Variants in SYTL5 observed in about 807,000 individuals in gnomAD.
The protein encoded by SYTL5 is synaptotagmin-like protein 5.
A neutral mutation model predicts 55.9 loss-of-function variants in SYTL5; 34 were observed. That is an observed-to-expected ratio of 0.61 (90% CI 0.46 to 0.81). The LOEUF is 0.81. SYTL5 is among the 30% of genes least tolerant of loss of function. The pLI is 0.00. For missense variants in SYTL5, 637 were observed against 546.7 expected (o/e 1.17, Z -1.65); for synonymous variants, 221 against 188.7 (o/e 1.17, Z -1.40).
Position 38,096,136 on chromosome X carries a change from CAG to C in SYTL5, c.967_968del (p.Arg324IlefsTer2). ...TCTTTTTCCTTTCCACCTTCCAGAT[CAG>C]AGTCGATCTGAGTTAGATTTGAGTG... ...AVSGTSLSSD[Q>X]SRSELDLSES... On this transcript the variant is annotated frameshift_variant, in exon 9 of 17. Coordinates refer to ENST00000297875, the MANE Select transcript of SYTL5 (RefSeq NM_138780.3). LOFTEE classifies it high-confidence loss of function. 8.7e-7 allele frequency: 1 copy of C among 1,145,967 alleles called. No homozygotes were observed. Among genetic ancestry groups the C allele is most frequent in the Non-Finnish European group, 1.2e-6 (1 of 847,031 alleles). The allele number at this position is 1,145,967 out of a possible 1,213,427, so 94.4% of individuals were successfully genotyped here. A position where few individuals can be genotyped will look rare whatever the true frequency, so the allele number is the denominator to read the frequency against.
At chrX:37,970,389 T>C in the SYTL5 span, among the ~76,000 whole-genome samples, 4 of 109,137 alleles carry the variant, frequency 3.7e-5, no homozygotes. Context: ...CCTCTTTATA[T>C]CTTTAACTTT....
At chrX:37,930,274 G>C in the SYTL5 span, among the ~76,000 whole-genome samples, 1 of 111,690 alleles carries the variant, frequency 9.0e-6, no homozygotes, top group African/African-American at 3.2e-5. Context: ...CAGATTTTTA[G>C]CTGGGCACAT....
At chrX:37,994,074 C>T in the SYTL5 span, among the ~76,000 whole-genome samples, 2 of 111,945 alleles carry the variant, frequency 1.8e-5, no homozygotes, top group East Asian at 5.6e-4. Context: ...GCTCCGGTTA[C>T]TGGGGCAACC....
chrX:38,069,778 A>G (rs1308363645), intron 3 of SYTL5, among the ~76,000 whole-genome samples: 2 of 111,944 alleles, frequency 1.8e-5, no homozygotes, highest in African/African-American at 6.5e-5. Flanking sequence ...TTAGTGTTTG[A>G]CTGAATAGCC....
intron 2 of SYTL5, among the ~76,000 whole-genome samples, chrX:38,043,688 T>TATATATATATAC (rs1210450618): frequency 1.4e-4 from 9 of 64,938 alleles, no homozygotes; most frequent in South Asian, 6.8e-4. Flanking sequence ...TATATATATA[T>TATATATATATAC]ATACATATAT....
rs190137547 is a variant in SYTL5, at chrX:38,027,943, C to T, written c.-356-5591C>T. 9.1e-5 allele frequency among the ~76,000 whole-genome samples: 10 copies of T among 109,850 alleles called. No individual in the cohort carries two copies. In the East Asian group the frequency reaches 2.8e-3, roughly 31 times the overall value. ...GGTTCAAGTGATTCTCCTGCCTCAG[C>T]TTCCTGAGTAGCTGGAATTATAGGT... is the stretch of plus-strand genomic sequence containing the variant. On this transcript the variant is annotated intron_variant, in intron 1 of 16. Coordinates refer to ENST00000297875, the MANE Select transcript of SYTL5 (RefSeq NM_138780.3).
the SYTL5 span, among the ~76,000 whole-genome samples, chrX:37,908,180 A>T: frequency 9.0e-6 from 1 of 110,802 alleles, no homozygotes; most frequent in Non-Finnish European, 1.9e-5. Context: ...ACTGGAGTTG[A>T]TACAGTGACC....
chrX:38,005,152 A>G (rs989660719), upstream of SYTL5, among the ~76,000 whole-genome samples: 1 of 111,914 alleles, frequency 8.9e-6, no homozygotes, highest in African/African-American at 3.2e-5. Context: ...TCCCAAATTC[A>G]TCAGGCTTGG....
chrX:38,071,984 T>C (rs1460503955), intron 3 of SYTL5, 63 bp from the exon 4 acceptor site: 2 of 797,709 alleles, frequency 2.5e-6, no homozygotes, highest in African/African-American at 2.0e-5. Flanking sequence ...TTAGGGATTT[T>C]TGAGAGTTAA....
intron 3 of SYTL5, among the ~76,000 whole-genome samples, chrX:38,059,017 A>G (rs1156636230): frequency 9.0e-6 from 1 of 110,908 alleles, no homozygotes; most frequent in African/African-American, 3.3e-5. Flanking sequence ...CAGTTTGTAT[A>G]TTTTGTCTGA....
chrX:37,981,477 T>G, the SYTL5 span, among the ~76,000 whole-genome samples: 1 of 110,600 alleles, frequency 9.0e-6, no homozygotes. Flanking sequence ...TGTATTTTTT[T>G]GTGGAGATGG....
chrX:38,114,917 T>C (rs1307586630), intron 13 of SYTL5, among the ~76,000 whole-genome samples: 1 of 111,897 alleles, frequency 8.9e-6, no homozygotes, highest in Non-Finnish European at 1.9e-5. Context: ...CTATTTTAGA[T>C]TTATATCTAT....
At chrX:37,901,926 T>C in the SYTL5 span, among the ~76,000 whole-genome samples, 1 of 111,851 alleles carries the variant, frequency 8.9e-6, no homozygotes, top group Admixed American at 9.5e-5. Context: ...TTAGACTACA[T>C]GGGCCTGATA....
chrX:37,963,147 TAA>T, the SYTL5 span, among the ~76,000 whole-genome samples: 2 of 112,033 alleles, frequency 1.8e-5, no homozygotes, highest in South Asian at 3.7e-4. Flanking sequence ...ATTTAAAACT[TAA>T]GTTTATTTCT....
chrX:37,907,490 A>C, the SYTL5 span, among the ~76,000 whole-genome samples: 1 of 112,321 alleles, frequency 8.9e-6, no homozygotes, highest in Non-Finnish European at 1.9e-5. Flanking sequence ...GGAGCCGTTA[A>C]GCTTCCCACT....
At chrX:38,079,681 T>C (rs955136029) in intron 6 of SYTL5, among the ~76,000 whole-genome samples, 3 of 111,191 alleles carry the variant, frequency 2.7e-5, no homozygotes, top group African/African-American at 9.8e-5. Flanking sequence ...AGGAAGGGAG[T>C]AGGAGAGACA....
intron 1 of SYTL5, among the ~76,000 whole-genome samples, chrX:38,009,712 T>C (rs1482851226): frequency 9.0e-6 from 1 of 111,513 alleles, no homozygotes; most frequent in Non-Finnish European, 1.9e-5. Flanking sequence ...CCACACCTCA[T>C]GGATATCTTC....
At chrX:37,987,302 G>A in the SYTL5 span, among the ~76,000 whole-genome samples, 1 of 111,993 alleles carries the variant, frequency 8.9e-6, no homozygotes, top group African/African-American at 3.2e-5. Flanking sequence ...TAGTGGATAG[G>A]GGCCAAGGTA....
At chrX:37,968,274 C>T in the SYTL5 span, among the ~76,000 whole-genome samples, 10 of 111,286 alleles carry the variant, frequency 9.0e-5, no homozygotes, top group Non-Finnish European at 1.9e-4. Context: ...TTTCATAAGA[C>T]ATTTAGGTAA....
Sources: allele counts gnomAD v4.1 joint callset (sites outside exome capture counted in the v4.1 genomes callset), GRCh38; gene constraint gnomAD v4.1.1; transcripts MANE v1.5; gene names NCBI Gene and HGNC (gene_info 2026-07-23, HGNC 2026-07-21).